CCSER1: variants seen among roughly 807,000 people sequenced by gnomAD.
The protein encoded by CCSER1 is coiled-coil serine rich protein 1, also known as serine-rich coiled-coil domain-containing protein 1.
Under a neutral mutation model 82.0 loss-of-function variants are expected in CCSER1, and 41 were observed. The ratio of observed to expected loss-of-function variants is 0.50; its 90% confidence interval spans 0.39 to 0.65. CCSER1 has a LOEUF of 0.65. CCSER1 is among the 30% of genes least tolerant of loss of function. CCSER1 has a pLI of 0.00. For synonymous variants in CCSER1, 414 were observed against 383.9 expected (o/e 1.08, Z -0.92); for missense variants, 1,119 against 1,064.2 (o/e 1.05, Z -0.72).
At chr4:90,792,210 A>G (rs1301624632) in intron 7 of CCSER1, among the ~76,000 whole-genome samples, 2 of 151,998 alleles carry the variant, frequency 1.3e-5, no homozygotes, top group African/African-American at 4.8e-5. Flanking sequence ...GAAATTTTAT[A>G]TTGATGCTCG....
intron 9 of CCSER1, among the ~76,000 whole-genome samples, chr4:90,945,775 T>G (rs954749239): frequency 1.3e-5 from 2 of 152,240 alleles, no homozygotes; most frequent in Non-Finnish European, 2.9e-5. Flanking sequence ...CCAGGCATCA[T>G]TGAACTCTAT....
chr4:91,341,541 T>C (rs1048643685), intron 10 of CCSER1, among the ~76,000 whole-genome samples: 27 of 152,032 alleles, frequency 1.8e-4, no homozygotes, highest in African/African-American at 6.3e-4. Flanking sequence ...AGTTTTTTGG[T>C]TGTTTGTTTT....
At chr4:90,585,332 G>T (rs1348003860) in intron 5 of CCSER1, among the ~76,000 whole-genome samples, 2 of 152,056 alleles carry the variant, frequency 1.3e-5, no homozygotes, top group Non-Finnish European at 2.9e-5. Flanking sequence ...ATATATTTTT[G>T]ACAAAATCCT....
intron 9 of CCSER1, among the ~76,000 whole-genome samples, chr4:90,998,591 T>C (rs1286596236): frequency 6.6e-6 from 1 of 152,208 alleles, no homozygotes; most frequent in Non-Finnish European, 1.5e-5. Context: ...ATGAAATACA[T>C]AAAATTTATT....
chr4:91,574,673 A>C (rs892346826), intron 10 of CCSER1, among the ~76,000 whole-genome samples: 3 of 152,156 alleles, frequency 2.0e-5, no homozygotes, highest in African/African-American at 7.2e-5. Context: ...GTTCTCACTT[A>C]TAAGTAGGAG....
chr4:91,551,656 A>AC (rs1762162402), intron 10 of CCSER1, among the ~76,000 whole-genome samples: 3 of 139,432 alleles, frequency 2.2e-5, no homozygotes, highest in African/African-American at 5.4e-5. Context: ...GCAAAAAACA[A>AC]ACACACACAC....
intron 10 of CCSER1, among the ~76,000 whole-genome samples, chr4:91,412,194 C>T (rs889096514): frequency 6.6e-6 from 1 of 152,024 alleles, no homozygotes; most frequent in Admixed American, 6.6e-5. Flanking sequence ...AGAGCCTATC[C>T]CCCTGTAAAT....
At chr4:90,892,408 T>G (rs963482823) in intron 8 of CCSER1, among the ~76,000 whole-genome samples, 53 of 152,042 alleles carry the variant, frequency 3.5e-4, no homozygotes, top group African/African-American at 1.2e-3. Context: ...TTTTGCTTAT[T>G]TGCCTGCTTT....
At chr4:91,454,875 C>G (rs1418929106) in intron 10 of CCSER1, among the ~76,000 whole-genome samples, 1 of 151,806 alleles carries the variant, frequency 6.6e-6, no homozygotes, top group Non-Finnish European at 1.5e-5. Context: ...TGTTCTAACC[C>G]TTTTAGCATC....
intron 8 of CCSER1, among the ~76,000 whole-genome samples, chr4:90,852,690 G>A (rs1008010483): frequency 7.9e-5 from 12 of 152,202 alleles, no homozygotes; most frequent in African/African-American, 2.7e-4. Flanking sequence ...TTTTGTTGTT[G>A]TTGTTTTTTC....
At chr4:90,235,544 T>G (rs992620686) in intron 1 of CCSER1, among the ~76,000 whole-genome samples, 4 of 152,156 alleles carry the variant, frequency 2.6e-5, no homozygotes, top group Admixed American at 1.3e-4. Context: ...ACATTAGATA[T>G]TTTAGTTTGA....
intron 9 of CCSER1, among the ~76,000 whole-genome samples, chr4:91,080,918 G>A (rs1297033677): frequency 6.6e-6 from 1 of 152,116 alleles, no homozygotes; most frequent in Non-Finnish European, 1.5e-5. Flanking sequence ...ATAATTAATA[G>A]CCTACCAACC....
rs139856546 is a variant in CCSER1 at position 90,370,594 on chromosome 4, G to T, written c.1510-29442G>T. Among the ~76,000 whole-genome samples, 683 of 151,960 alleles carry T rather than the reference G, an allele frequency of 4.5e-3. 7 individuals carry two copies. The highest frequency in any genetic ancestry group is 0.016 in the African/African-American group (657 of 41,516). On this transcript the variant is annotated intron_variant, in intron 3 of 10. Transcript: ENST00000509176. ...TTTGTATGTCTTCTTTGGGAGACTT[G>T]CTTATAAAAATCACATCACAAGGTT...
chr4:90,715,721 G>A (rs918203946), intron 6 of CCSER1, among the ~76,000 whole-genome samples: 9 of 152,046 alleles, frequency 5.9e-5, no homozygotes, highest in Non-Finnish European at 1.2e-4. Flanking sequence ...TGGTGAGGCA[G>A]TGGGAAAATA....
At chr4:90,893,792 T>TGTGTGTG (rs34693713) in intron 8 of CCSER1, among the ~76,000 whole-genome samples, 2 of 145,330 alleles carry the variant, frequency 1.4e-5, no homozygotes, top group Non-Finnish European at 3.0e-5. Flanking sequence ...TGTGTGTGTG[T>TGTGTGTG]GGGGGGTGAA....
intron 6 of CCSER1, among the ~76,000 whole-genome samples, chr4:90,686,321 T>C (rs944853673): frequency 6.6e-6 from 1 of 152,122 alleles, no homozygotes; most frequent in Non-Finnish European, 1.5e-5. Context: ...ATGTGTTCCT[T>C]CTAACTGCAT....
At chr4:90,863,969 A>G (rs1251850911) in intron 8 of CCSER1, among the ~76,000 whole-genome samples, 1 of 91,412 alleles carries the variant, frequency 1.1e-5, no homozygotes, top group African/African-American at 4.1e-5. Context: ...ATTTTATTTT[A>G]TTTTATTTTA....
intron 8 of CCSER1, among the ~76,000 whole-genome samples, chr4:90,851,750 G>A (rs1763918931): frequency 6.6e-6 from 1 of 152,078 alleles, no homozygotes; most frequent in Non-Finnish European, 1.5e-5. Context: ...ATCTTTAACT[G>A]TGGACACTGT....
chr4:90,450,088 G>A (rs186858999), intron 4 of CCSER1, among the ~76,000 whole-genome samples: 18 of 152,222 alleles, frequency 1.2e-4, no homozygotes, highest in East Asian at 9.7e-4. Flanking sequence ...TCACTGCTTC[G>A]TGCTGACAAG....
Sources: allele counts gnomAD v4.1 joint callset (sites outside exome capture counted in the v4.1 genomes callset), GRCh38; gene constraint gnomAD v4.1.1; transcripts MANE v1.5; gene names NCBI Gene and HGNC (gene_info 2026-07-23, HGNC 2026-07-21).